The following DNAH1 variants were observed in gnomAD, a reference collection of about 807,000 sequenced individuals.
The protein encoded by DNAH1 is dynein axonemal heavy chain 1, also known as axonemal beta dynein heavy chain 1.
Under a neutral mutation model 484.3 loss-of-function variants are expected in DNAH1, and 327 were observed. The ratio of observed to expected loss-of-function variants is 0.68; its 90% CI spans 0.62 to 0.74. The LOEUF (loss-of-function observed/expected upper bound fraction) is 0.74. Ranked by LOEUF, DNAH1 falls within the 30% of genes least tolerant of loss-of-function variation. DNAH1 has a pLI of 0.00. For synonymous variants in DNAH1, 2,192 were observed against 2,191.9 expected, an observed-to-expected ratio of 1.00 and a Z score of 0.00; for missense variants, 5,052 against 5,546.8, an observed-to-expected ratio of 0.91 and a Z score of 2.83.
chr3:52,383,334 A>G (rs761936012), intron 50 of DNAH1, 52 bp from the exon 51 acceptor site: 58 of 1,526,726 alleles, frequency 3.8e-5, no homozygotes, highest in Non-Finnish European at 5.2e-5. Flanking sequence ...GACTGTGGTC[A>G]TATAGTCCAA....
At chr3:52,393,558 G>A in intron 66 of DNAH1, 73 bp downstream of exon 66, 1 of 1,584,278 alleles carries the variant, frequency 6.3e-7, no homozygotes, top group South Asian at 1.1e-5. Context: ...CAGGGTGGAA[G>A]GAAAGGGAAA....
chr3:52,377,388 T>A (rs1385705665), intron 46 of DNAH1, among the ~76,000 whole-genome samples: 1 of 151,992 alleles, frequency 6.6e-6, no homozygotes, highest in African/African-American at 2.4e-5. Flanking sequence ...TTCACCACCC[T>A]GTCCTTGCCC....
Position 52,370,151 on chromosome 3 carries a change from C to T in DNAH1, c.6180C>T (p.Ile2060=), listed in dbSNP as rs369225035. 3.2e-5 allele frequency: 52 copies of T among 1,613,846 alleles called. No individual in the cohort carries two copies. The highest frequency in any genetic ancestry group is 4.2e-5 in the Non-Finnish European group (49 of 1,179,876). The stretch of plus-strand genomic sequence containing the variant: ...TTCGGTCCTCAGTGAAGGAGGTGAT[C>T]GCCTCAACCAACTGCAACCTGACCA... ...SFVRSSVKEV[I]ASTNCNLTMS... Residue 2060 remains isoleucine (I), a synonymous_variant, in exon 39 of 78, where the codon ATC becomes ATT. Coordinates refer to ENST00000420323, the MANE Select transcript of DNAH1 (RefSeq NM_015512.5).
rs201536701 is a variant in DNAH1 at position 52,364,818 on chromosome 3, C to T, written c.5332-15C>T. 1.9e-4 allele frequency: 305 copies of T among 1,610,578 alleles called. 2 individuals carry two copies. In the South Asian group the frequency reaches 2.7e-3, roughly 14 times the overall value. On this transcript the variant is annotated splice_polypyrimidine_tract_variant and intron_variant, in intron 33 of 77. Transcript: ENST00000420323. The surrounding 1 kb of genome is among the most constrained non-coding windows in gnomAD (Gnocchi z 4.2). ...TGGCCCACTGCCCTGAAGGCTCAGC[C>T]GGCACCTGCTGCAGGAGCTGATCTG...
intron 1 of DNAH1, among the ~76,000 whole-genome samples, chr3:52,318,886 AC>A (rs1291194571): frequency 6.6e-6 from 1 of 152,196 alleles, no homozygotes; most frequent in Non-Finnish European, 1.5e-5. Flanking sequence ...CTTATGCAGA[AC>A]CCCGGGGTGT....
intron 6 of DNAH1, among the ~76,000 whole-genome samples, 188 bp downstream of exon 6, chr3:52,328,202 T>C (rs551254313): frequency 6.6e-5 from 10 of 152,318 alleles, no homozygotes; most frequent in African/African-American, 1.9e-4. Flanking sequence ...GAAAACATCG[T>C]TGGGAGAGCT....
At position 52,353,159 on chromosome 3, in the gene DNAH1, C is replaced by T; in HGVS notation, c.3084C>T (p.Thr1028=). The change falls in exon 19 of 78, where the codon ACC becomes ACT. Residue 1028 remains threonine, a synonymous_variant. Transcript: ENST00000420323. This position sits in a 1 kb window ranked among gnomAD's most constrained non-coding sequence, Gnocchi z 5.0. ...KEFQPYLDLW[T]TASDWLRWSE... is the part of the protein sequence containing the mutation. ...TCCAACCCTACCTGGACCTTTGGAC[C>T]ACAGCGTCTGACTGGCTGCGCTGGT... The T allele has an allele frequency of 1.9e-6, 3 of 1,613,976 alleles. No homozygotes were observed. Among genetic ancestry groups the T allele is most frequent in the Non-Finnish European group, 2.5e-6 (3 of 1,179,886 alleles).
At position 52,383,586 on chromosome 3, in the gene DNAH1, G is replaced by A. The variant is rs376732588; in HGVS notation, c.8142G>A (p.Leu2714=). ...GRVRSNIHMV[L]CMSPIGEVFR... ...TGCGCAGCAACATCCACATGGTGCT[G>A]TGCATGAGGTACAGGCAGCTGTCGC... Residue 2714 remains leucine, a synonymous_variant, in exon 51 of 78, where the codon CTG becomes CTA. Coordinates refer to ENST00000420323, the MANE Select transcript of DNAH1 (RefSeq NM_015512.5). 1.3e-4 allele frequency: 201 copies of A among 1,581,740 alleles called. No homozygotes were observed. The highest frequency in any genetic ancestry group is 1.7e-4 in the Non-Finnish European group (193 of 1,161,808).
At position 52,383,584 on chromosome 3, in the gene DNAH1, C is replaced by T. The variant is rs577229081; in HGVS notation, c.8140C>T (p.Leu2714=). The change falls in exon 51 of 78, where the codon CTG becomes TTG. Residue 2714 remains leucine, a synonymous_variant. Transcript: ENST00000420323. ...TGTGCGCAGCAACATCCACATGGTG[C>T]TGTGCATGAGGTACAGGCAGCTGTC... ...GRVRSNIHMV[L]CMSPIGEVFR... 8 of 1,587,574 alleles carry T rather than the reference C, an allele frequency of 5.0e-6. No homozygotes were observed. The South Asian group carries it at 8.0e-5, about 16-fold the overall frequency.
At position 52,386,243 on chromosome 3, in the gene DNAH1, A is replaced by AGCTATT. The variant is rs1704104236; in HGVS notation, c.8713_8718dup (p.Ile2905_Ala2906dup). On this transcript the variant is annotated inframe_insertion, in exon 55 of 78. Transcript: ENST00000420323. Reference sequence around the variant, plus strand: ...CCAATGAGAAGGCCAAGAAGGCACAAGCTATTGCTGACGATGCCCAGAAGG... The same window carrying AGCTATT: ...CCAATGAGAAGGCCAAGAAGGCACAAGCTATTGCTATTGCTGACGATGCCCAGAAGG... 1 of 1,613,418 alleles carries AGCTATT rather than the reference A, an allele frequency of 6.2e-7. No individual in the cohort carries two copies. Among genetic ancestry groups the AGCTATT allele is most frequent in the Non-Finnish European group, 8.5e-7 (1 of 1,179,732 alleles).
At chr3:52,314,757 C>T (rs957901450), upstream of DNAH1, among the ~76,000 whole-genome samples, 1 of 152,150 alleles carries the variant, frequency 6.6e-6, no homozygotes, top group African/African-American at 2.4e-5. Flanking sequence ...CCAAGGCACT[C>T]AGGGAGTGTG....
rs1327114844 is a variant in DNAH1 at position 52,366,602 on chromosome 3, G to A, written c.5610+54G>A. The stretch of plus-strand genomic sequence containing the variant: ...GTCCGGATAGTGGGCCTGTAGGGGG[G>A]TGCAGCTTCAACAGGGGTTGGCCTC... On this transcript the variant is annotated intron_variant, in intron 35 of 77. Transcript: ENST00000420323. 2.6e-6 allele frequency: 4 copies of A among 1,558,778 alleles called. No homozygotes were observed. The Admixed American group carries it at 5.7e-5, about 22-fold the overall frequency.
Position 52,392,600 on chromosome 3 carries a change from C to T in DNAH1, c.10189C>T (p.Arg3397Trp), listed in dbSNP as rs754394417. Residue 3397 changes from arginine (R) to tryptophan (W), a missense_variant, in exon 64 of 78, where the codon CGG becomes TGG. This residue lies in a region of DNAH1 where 2,929 missense variants were observed against 3,409.4 expected (regional missense o/e 0.86). Coordinates refer to ENST00000420323, the MANE Select transcript of DNAH1 (RefSeq NM_015512.5). ...GGACATTGAGGACCAGATCCTGTAC[C>T]GGCTCAGCTCCTCCGAGGGCAACCC... ...LKDIEDQILY[R>W]LSSSEGNPVD... The T allele has an allele frequency of 1.9e-5, 30 of 1,613,766 alleles. No individual in the cohort carries two copies. In the South Asian group the frequency reaches 2.5e-4, roughly 14 times the overall value.
intron 46 of DNAH1, among the ~76,000 whole-genome samples, chr3:52,376,463 C>T (rs1052278962): frequency 3.9e-5 from 6 of 152,138 alleles, no homozygotes; most frequent in Admixed American, 6.5e-5. Flanking sequence ...AAGAGGCTGT[C>T]GAGAAACAGC....
intron 51 of DNAH1, 62 bp downstream of exon 51, chr3:52,383,656 C>A (rs1052748869): frequency 6.8e-7 from 1 of 1,471,968 alleles, no homozygotes; most frequent in Non-Finnish European, 9.0e-7. Flanking sequence ...CATGGGCTGG[C>A]CCCGGGGACA....
chr3:52,317,280 G>C (rs1700979826), intron 1 of DNAH1, among the ~76,000 whole-genome samples: 1 of 152,156 alleles, frequency 6.6e-6, no homozygotes, highest in Non-Finnish European at 1.5e-5. Flanking sequence ...CTGAACCCAT[G>C]CCAGGTGCTG....
intron 8 of DNAH1, among the ~76,000 whole-genome samples, chr3:52,333,391 CT>C (rs34307560): frequency 1.2e-3 from 163 of 137,416 alleles, no homozygotes; most frequent in East Asian, 2.5e-3. Context: ...TTCTTTCTTT[CT>C]TTTTTTTTTT....
chr3:52,360,090 G>A lies in DNAH1; in HGVS notation c.4571+11G>A, dbSNP rs377471856. ...GATCTCACAGCTGAGGTGAGGACAT[G>A]GGGGGCGCCCCCAGGGCCAGAGCAG... On this transcript the variant is annotated intron_variant, in intron 27 of 77. Transcript: ENST00000420323. 14 of 1,613,166 alleles carry A rather than the reference G, an allele frequency of 8.7e-6. No individual in the cohort carries two copies. The highest frequency in any genetic ancestry group is 6.7e-5 in the African/African-American group (5 of 74,552).
chr3:52,324,115 G>A (rs2153222932), intron 3 of DNAH1, among the ~76,000 whole-genome samples: 1 of 152,308 alleles, frequency 6.6e-6, no homozygotes, highest in East Asian at 1.9e-4. Flanking sequence ...GGGCTGGGCT[G>A]GGCTGCCAGG....
Sources: gnomAD v4.1 joint callset for allele counts (sites outside exome capture counted in the v4.1 genomes callset) on GRCh38, gnomAD v4.1.1 for gene constraint, gnomAD v4.1.1 regional missense constraint, Gnocchi (gnomAD v3.1) non-coding constraint, MANE v1.5 for transcripts, NCBI Gene and HGNC (gene_info 2026-07-23, HGNC 2026-07-21) for gene names.